The following ULK4 variants were observed in gnomAD, a reference collection of about 807,000 sequenced individuals.
ULK4 encodes the protein unc-51 like kinase 4.
A neutral mutation model predicts 160.6 loss-of-function variants in ULK4; 133 were observed. The ratio of observed to expected loss-of-function variants is 0.83; its 90% CI spans 0.72 to 0.96. ULK4 has a LOEUF of 0.96. ULK4 is among the 40% of genes least tolerant of loss of function. The probability of loss-of-function intolerance (pLI) is 0.00; values close to 1 mark genes in which losing one functional copy is unlikely to be tolerated. For synonymous variants in ULK4, 534 were observed against 539.8 expected (o/e 0.99, Z 0.15); for missense variants, 1,580 against 1,499.5 (o/e 1.05, Z -0.89).
intron 17 of ULK4, among the ~76,000 whole-genome samples, chr3:41,882,816 C>T (rs1267993653): frequency 6.6e-6 from 1 of 152,138 alleles, no homozygotes; most frequent in East Asian, 1.9e-4. Flanking sequence ...AGACCTTTTG[C>T]TCTGAGCCAT....
intron 27 of ULK4, among the ~76,000 whole-genome samples, chr3:41,698,291 CT>C (rs1226825021): frequency 6.6e-6 from 1 of 151,976 alleles, no homozygotes; most frequent in South Asian, 2.1e-4. Flanking sequence ...AAATTTGAAA[CT>C]TTTTTTTCTC....
chr3:41,304,871 G>C (rs1419962509), intron 35 of ULK4, among the ~76,000 whole-genome samples: 1 of 152,218 alleles, frequency 6.6e-6, no homozygotes, highest in Non-Finnish European at 1.5e-5. Flanking sequence ...GACAGGGAGA[G>C]CTGAGATCTC....
At chr3:41,589,430 C>CAAAAAAAAAAAA (rs34913730) in intron 31 of ULK4, among the ~76,000 whole-genome samples, 1 of 72,114 alleles carries the variant, frequency 1.4e-5, no homozygotes, top group African/African-American at 5.4e-5. Context: ...AAGGCCAGGC[C>CAAAAAAAAAAAA]AAAAAAAAAA....
intron 22 of ULK4, among the ~76,000 whole-genome samples, chr3:41,725,066 T>G (rs1026877995): frequency 1.7e-4 from 26 of 152,190 alleles, no homozygotes; most frequent in Admixed American, 4.6e-4. Context: ...GTGGCTTACC[T>G]TTTTACTCTT....
At chr3:41,781,805 G>A (rs114034165) in intron 21 of ULK4, among the ~76,000 whole-genome samples, 17,973 of 152,026 alleles carry the variant, frequency 0.12, 1,285 homozygotes, top group Middle Eastern at 0.27. Flanking sequence ...TAGGCGTGGT[G>A]CCAGGCACCT....
intron 31 of ULK4, among the ~76,000 whole-genome samples, chr3:41,577,043 C>T (rs2088214930): frequency 6.6e-6 from 1 of 152,156 alleles, no homozygotes. Flanking sequence ...GCAAATTTTT[C>T]CTAATGGGAG....
intron 31 of ULK4, among the ~76,000 whole-genome samples, chr3:41,602,433 A>G (rs1194627582): frequency 6.6e-6 from 1 of 152,002 alleles, no homozygotes; most frequent in Non-Finnish European, 1.5e-5. Context: ...GAAAGAAAAA[A>G]GAGAAAAGAG....
chr3:41,756,594 T>C (rs952213949), intron 21 of ULK4, among the ~76,000 whole-genome samples: 1 of 152,062 alleles, frequency 6.6e-6, no homozygotes, highest in African/African-American at 2.4e-5. Flanking sequence ...GATTCCAAGG[T>C]GACAGCCTTC....
chr3:41,372,137 G>A (rs1283272768), intron 35 of ULK4, among the ~76,000 whole-genome samples: 4 of 151,918 alleles, frequency 2.6e-5, no homozygotes, highest in Non-Finnish European at 5.9e-5. Flanking sequence ...AAGAAATATG[G>A]GATTATGTGA....
At position 41,705,090 on chromosome 3, in the gene ULK4, C is replaced by T; in HGVS notation, c.2748G>A (p.Gln916=). The part of the protein sequence containing the change: ...ITLSAFEAII[Q]YPILLKDYRS... ...GATAGTCTTTCAATAAAATAGGATA[C>T]TGTATTATTGCTTCAAAAGCTGACA... The change falls in exon 27 of 37, where the codon CAG becomes CAA. Residue 916 remains glutamine (Q), a synonymous_variant. Transcript: ENST00000301831. The T allele has an allele frequency of 1.2e-6, 2 of 1,613,728 alleles. No individual in the cohort carries two copies. The highest frequency in any genetic ancestry group is 2.2e-5 in the East Asian group (1 of 44,856).
chr3:41,954,878 G>T, intron 1 of ULK4, 71 bp from the exon 2 acceptor site: 6 of 966,296 alleles, frequency 6.2e-6, no homozygotes, highest in Non-Finnish European at 9.0e-6. Context: ...AGGATAATTA[G>T]CCTAGGATAT....
chr3:41,567,357 A>G (rs1402861203), intron 31 of ULK4, among the ~76,000 whole-genome samples: 1 of 152,042 alleles, frequency 6.6e-6, no homozygotes, highest in East Asian at 1.9e-4. Context: ...GCAGGGAAGC[A>G]AGGTTCAGAG....
chr3:41,495,182 A>C (rs916188058), intron 32 of ULK4, among the ~76,000 whole-genome samples: 3 of 152,230 alleles, frequency 2.0e-5, no homozygotes, highest in Non-Finnish European at 4.4e-5. Flanking sequence ...TTCAAACTAT[A>C]CAAGGCTACA....
intron 34 of ULK4, among the ~76,000 whole-genome samples, chr3:41,418,540 T>C (rs1275767759): frequency 6.6e-6 from 1 of 152,196 alleles, no homozygotes; most frequent in East Asian, 1.9e-4. Flanking sequence ...CTTTAACTAC[T>C]TTTTCTGGTC....
In ULK4 at chr3:41,412,906, AC is replaced by A. The variant is rs552241225; in HGVS notation, c.3493-14643del. The stretch of plus-strand genomic sequence containing the variant: ...AATGCTTAAATATGCAAAGCCATAC[AC>A]TTTTACCTTGCCCTTGCATCATGTA... On this transcript the variant is annotated intron_variant, in intron 34 of 36. Transcript: ENST00000301831. Among the ~76,000 whole-genome samples the A allele has an allele frequency of 3.1e-3, 473 of 152,326 alleles. 1 individual carries two copies. The highest frequency in any genetic ancestry group is 5.4e-3 in the Non-Finnish European group (366 of 68,032).
At chr3:41,376,600 A>G (rs1187975176) in intron 35 of ULK4, among the ~76,000 whole-genome samples, 1 of 148,944 alleles carries the variant, frequency 6.7e-6, no homozygotes, top group East Asian at 2.1e-4. Flanking sequence ...AGAGAGCCAA[A>G]TCATGAGTGA....
In ULK4 at chr3:41,540,947, T is replaced by C. The variant is rs143924346; in HGVS notation, c.3226+25078A>G. On this transcript the variant is annotated intron_variant, in intron 32 of 36. Coordinates refer to ENST00000301831, the MANE Select transcript of ULK4 (RefSeq NM_017886.4). ...GGATATTATCCCTTTGTCAGACAGATAGAGTGCAAAAATTTTCTCCCATTC... is the reference window on the plus strand; with the variant it reads ...GGATATTATCCCTTTGTCAGACAGACAGAGTGCAAAAATTTTCTCCCATTC... 6.1e-3 allele frequency among the ~76,000 whole-genome samples: 933 copies of C among 152,324 alleles called. 2 individuals are homozygous for C. The highest frequency in any genetic ancestry group is 0.01 in the Middle Eastern group (3 of 294).
intron 5 of ULK4, among the ~76,000 whole-genome samples, chr3:41,926,415 A>G (rs907436076): frequency 1.3e-5 from 2 of 152,186 alleles, no homozygotes; most frequent in African/African-American, 2.4e-5. Context: ...AACGCTGAAA[A>G]TTCCAAAAAC....
intron 30 of ULK4, among the ~76,000 whole-genome samples, chr3:41,626,379 A>G (rs1387360940): frequency 6.6e-6 from 1 of 152,170 alleles, no homozygotes; most frequent in Non-Finnish European, 1.5e-5. Context: ...TTAAATTAGG[A>G]TAATTATTTA....
Sources: allele counts gnomAD v4.1 joint callset (sites outside exome capture counted in the v4.1 genomes callset), GRCh38; gene constraint gnomAD v4.1.1; transcripts MANE v1.5; gene names NCBI Gene and HGNC (gene_info 2026-07-23, HGNC 2026-07-21).